MALRD1: variants seen among roughly 807,000 people sequenced by gnomAD.
MALRD1 encodes the protein MAM and LDL receptor class A domain containing 1, also known as MAM and LDL-receptor class A domain-containing protein 1.
In MALRD1, 247 loss-of-function variants were observed where a neutral mutation model predicts 242.1. The observed-to-expected ratio is 1.02, with a 90% CI of 0.92 to 1.13. MALRD1 has a LOEUF of 1.13. Ranked by LOEUF, MALRD1 falls within the 50% of genes most tolerant of loss-of-function variation. The pLI is 0.00. For synonymous variants in MALRD1, 995 were observed against 866.6 expected (o/e 1.15, Z -2.60); for missense variants, 2,989 against 2,533.1 (o/e 1.18, Z -3.86).
chr10:19,454,156 CT>C, intron 29 of MALRD1, among the ~76,000 whole-genome samples: 1 of 151,918 alleles, frequency 6.6e-6, no homozygotes, highest in East Asian at 1.9e-4. Context: ...GTCAGAGAAC[CT>C]AATTAGCAAA....
At chr10:19,206,965 G>A (rs1836814008) in intron 17 of MALRD1, among the ~76,000 whole-genome samples, 1 of 152,132 alleles carries the variant, frequency 6.6e-6, no homozygotes, top group South Asian at 2.1e-4. Flanking sequence ...TCACAAGTGA[G>A]GAAATATCAA....
chr10:19,563,008 G>A (rs1408722142), intron 32 of MALRD1, among the ~76,000 whole-genome samples: 1 of 152,144 alleles, frequency 6.6e-6, no homozygotes, highest in Non-Finnish European at 1.5e-5. Context: ...AAAAATAGTT[G>A]TTGATTTTCA....
intron 28 of MALRD1, among the ~76,000 whole-genome samples, chr10:19,435,831 C>T (rs1002704009): frequency 1.3e-5 from 2 of 152,084 alleles, no homozygotes; most frequent in Non-Finnish European, 2.9e-5. Flanking sequence ...GGTCCACCTC[C>T]GTAAGGGTGG....
chr10:19,283,846 A>G (rs1006100652), intron 21 of MALRD1, among the ~76,000 whole-genome samples: 1 of 152,238 alleles, frequency 6.6e-6, no homozygotes, highest in Non-Finnish European at 1.5e-5. Context: ...CAAAGAAGAA[A>G]TAGAGTGCCT....
chr10:19,588,244 T>C (rs1249630329), intron 33 of MALRD1, among the ~76,000 whole-genome samples: 1 of 152,222 alleles, frequency 6.6e-6, no homozygotes, highest in Non-Finnish European at 1.5e-5. Flanking sequence ...GAAAGCATTC[T>C]TCAGTTCGTC....
chr10:19,397,150 T>G (rs1375451419), intron 28 of MALRD1, among the ~76,000 whole-genome samples: 1 of 152,122 alleles, frequency 6.6e-6, no homozygotes, highest in Non-Finnish European at 1.5e-5. Context: ...CATATTATTT[T>G]TAATTATATT....
intron 31 of MALRD1, among the ~76,000 whole-genome samples, chr10:19,515,529 G>A (rs549923557): frequency 2.6e-5 from 4 of 151,376 alleles, no homozygotes; most frequent in Non-Finnish European, 5.9e-5. Flanking sequence ...CAGATTTCCC[G>A]TAGCCTCAAC....
chr10:19,141,719 A>T (rs1033707010), intron 10 of MALRD1, among the ~76,000 whole-genome samples: 4 of 152,082 alleles, frequency 2.6e-5, no homozygotes, highest in Non-Finnish European at 4.4e-5. Context: ...GGGGTTTTTT[A>T]AATTATAGGA....
At chr10:19,415,179 T>G (rs1833464739) in intron 28 of MALRD1, among the ~76,000 whole-genome samples, 1 of 152,172 alleles carries the variant, frequency 6.6e-6, no homozygotes, top group South Asian at 2.1e-4. Context: ...TAATCTTTAG[T>G]AGATACAATA....
intron 14 of MALRD1, among the ~76,000 whole-genome samples, chr10:19,203,406 A>G (rs1836637090): frequency 6.6e-6 from 1 of 152,156 alleles, no homozygotes; most frequent in African/African-American, 2.4e-5. Context: ...TAGCAGGGAA[A>G]CTAACATGAG....
At chr10:19,551,881 A>G (rs965164423) in intron 32 of MALRD1, among the ~76,000 whole-genome samples, 4 of 152,100 alleles carry the variant, frequency 2.6e-5, no homozygotes, top group Non-Finnish European at 5.9e-5. Context: ...TGTTTATGCG[A>G]TGAATCACAT....
At chr10:19,601,229 T>C (rs938472796) in intron 34 of MALRD1, among the ~76,000 whole-genome samples, 2 of 152,084 alleles carry the variant, frequency 1.3e-5, no homozygotes, top group Non-Finnish European at 2.9e-5. Context: ...AAAGAGAATG[T>C]ACCAAAAAAT....
At chr10:19,482,148 A>G (rs116365754) in intron 29 of MALRD1, among the ~76,000 whole-genome samples, 240 of 152,186 alleles carry the variant, frequency 1.6e-3, no homozygotes, top group African/African-American at 5.5e-3. Flanking sequence ...TACAACTTTT[A>G]TAAGAACTGG....
At chr10:19,188,625 ACCTTGTTT>A (rs1216078729) in intron 14 of MALRD1, among the ~76,000 whole-genome samples, 38 of 152,238 alleles carry the variant, frequency 2.5e-4, no homozygotes, top group African/African-American at 8.9e-4. Flanking sequence ...CTACGGAGCT[ACCTTGTTT>A]AATGTTGTTG....
At chr10:19,096,325 G>T (rs150519506) in intron 4 of MALRD1, among the ~76,000 whole-genome samples, 3 of 152,272 alleles carry the variant, frequency 2.0e-5, no homozygotes, top group Admixed American at 2.0e-4. Context: ...AGACAGCAAG[G>T]TTATTCACTT....
intron 36 of MALRD1, among the ~76,000 whole-genome samples, chr10:19,670,490 TTA>T (rs1383374426): frequency 7.2e-5 from 11 of 152,290 alleles, no homozygotes; most frequent in African/African-American, 2.6e-4. Context: ...GTCTGCTGAA[TTA>T]TCAACAAGCA....
intron 18 of MALRD1, among the ~76,000 whole-genome samples, chr10:19,237,187 ACTTTT>A (rs1160085929): frequency 7.2e-5 from 11 of 151,820 alleles, no homozygotes. Context: ...ACAATACTTT[ACTTTT>A]AACTATAGTC....
intron 14 of MALRD1, among the ~76,000 whole-genome samples, chr10:19,186,822 T>C (rs146779594): frequency 6.6e-6 from 1 of 152,182 alleles, no homozygotes; most frequent in Non-Finnish European, 1.5e-5. Flanking sequence ...TTCTTCTCTT[T>C]TCTCACATGC....
intron 32 of MALRD1, among the ~76,000 whole-genome samples, chr10:19,532,101 A>T (rs1017471427): frequency 6.6e-6 from 1 of 152,128 alleles, no homozygotes; most frequent in Non-Finnish European, 1.5e-5. Context: ...TATTATAAAC[A>T]CTCTATGGTA....
Sources: allele counts gnomAD v4.1 joint callset (sites outside exome capture counted in the v4.1 genomes callset), GRCh38; gene constraint gnomAD v4.1.1; transcripts MANE v1.5; gene names NCBI Gene and HGNC (gene_info 2026-07-23, HGNC 2026-07-21).